COG6: variants seen among roughly 807,000 people sequenced by gnomAD.
COG6 encodes the protein component of oligomeric golgi complex 6, also known as conserved oligomeric Golgi complex subunit 6.
COG6 carries 74 observed loss-of-function variants against 88.8 expected under a neutral mutation model. The ratio of observed to expected loss-of-function variants is 0.83; its 90% CI spans 0.69 to 1.01. The LOEUF (loss-of-function observed/expected upper bound fraction) is 1.01, where lower values mean the gene tolerates loss of function less well. COG6 is among the 50% of genes least tolerant of loss of function. The probability of loss-of-function intolerance (pLI) is 0.00; values close to 1 mark genes in which losing one functional copy is unlikely to be tolerated. For synonymous variants in COG6, 286 were observed against 278.7 expected, an observed-to-expected ratio of 1.03 and a Z score of -0.26; for missense variants, 800 against 797.9, an observed-to-expected ratio of 1.00 and a Z score of -0.03.
intron 13 of COG6, among the ~76,000 whole-genome samples, chr13:39,701,782 A>G (rs1338586311): frequency 6.6e-6 from 1 of 152,002 alleles, no homozygotes; most frequent in Non-Finnish European, 1.5e-5. Context: ...ATATTACCCA[A>G]AGCTTTACCA....
chr13:39,679,056 G>A (rs1876146936), intron 5 of COG6, among the ~76,000 whole-genome samples: 1 of 152,006 alleles, frequency 6.6e-6, no homozygotes, highest in South Asian at 2.1e-4. Context: ...TCAACAGTTT[G>A]GCATCTGTCA....
chr13:39,655,828 G>A lies in COG6; in HGVS notation c.102G>A (p.Pro34=), dbSNP rs753580781. Residue 34 remains proline (P), a synonymous_variant, in exon 1 of 19, where the codon CCG becomes CCA. Transcript: ENST00000455146. ...GGACCTCGGCGACGACCTGCAACCC[G>A]CTGTCGCGCAAGCTGCATAAGATCC... is the stretch of plus-strand genomic sequence containing the variant. ...AGGTSATTCN[P]LSRKLHKILE... is the part of the protein sequence containing the mutation. 1.2e-6 allele frequency: 2 copies of A among 1,603,908 alleles called. No individual in the cohort carries two copies.
chr13:39,755,274 G>A (rs529063639), downstream of COG6, among the ~76,000 whole-genome samples: 64 of 152,250 alleles, frequency 4.2e-4, 1 homozygote, highest in South Asian at 0.013. Flanking sequence ...CCCTAGTTCA[G>A]CAGTAGTGTT....
intron 18 of COG6, among the ~76,000 whole-genome samples, chr13:39,787,795 G>T (rs1447309356): frequency 6.6e-6 from 1 of 152,116 alleles, no homozygotes; most frequent in East Asian, 1.9e-4. Context: ...ATTGTATTAG[G>T]TATTGTAAGT....
chr13:39,758,429 C>T (rs1191333162), intron 18 of COG6, among the ~76,000 whole-genome samples: 3 of 151,920 alleles, frequency 2.0e-5, no homozygotes, highest in African/African-American at 7.3e-5. Flanking sequence ...TAAAGTGTGC[C>T]AAGTATTTGA....
chr13:39,772,226 A>G (rs1385584716), intron 18 of COG6, among the ~76,000 whole-genome samples: 1 of 152,164 alleles, frequency 6.6e-6, no homozygotes, highest in East Asian at 1.9e-4. Context: ...AACCTCTTAC[A>G]GTAGTTGTCA....
intron 4 of COG6, among the ~76,000 whole-genome samples, chr13:39,673,494 T>C (rs1875773735): frequency 6.6e-6 from 1 of 152,000 alleles, no homozygotes; most frequent in South Asian, 2.1e-4. Context: ...ATGAAAAGTT[T>C]CTTCTTTTTT....
intron 18 of COG6, among the ~76,000 whole-genome samples, chr13:39,768,795 C>G (rs1881238694): frequency 6.6e-6 from 1 of 152,022 alleles, no homozygotes; most frequent in African/African-American, 2.4e-5. Context: ...CTACTCAACT[C>G]AATAACTGGA....
At position 39,680,050 on chromosome 13, in the gene COG6, G is replaced by A; in HGVS notation, c.694+5G>A. On this transcript the variant is annotated splice_donor_5th_base_variant and intron_variant, in intron 7 of 18. Transcript: ENST00000455146. ...GACTTTACCGATGGGCTCAAAGTAA[G>A]TGATTTCTTTTATGTTGTCTAGATT... is the stretch of plus-strand genomic sequence containing the variant. The A allele has an allele frequency of 6.5e-7, 1 of 1,544,188 alleles. No individual in the cohort carries two copies. The highest frequency in any genetic ancestry group is 8.9e-7 in the Non-Finnish European group (1 of 1,118,506).
chr13:39,723,317 T>C lies in COG6; in HGVS notation c.1585-16T>C. 4.0e-6 allele frequency: 6 copies of C among 1,497,938 alleles called. No homozygotes were observed. The highest frequency in any genetic ancestry group is 5.6e-6 in the Non-Finnish European group (6 of 1,074,790). The allele number at this position is 1,497,938 out of a possible 1,614,324, so 92.8% of individuals were successfully genotyped here. On this transcript the variant is annotated splice_polypyrimidine_tract_variant and intron_variant, in intron 15 of 18. Transcript: ENST00000455146. ...TCATTCTTCTTTTAAAATGTTTTCT[T>C]TGTGTTTTATTTTAGATCGAAGCAC...
At position 39,717,492 on chromosome 13, in the gene COG6, T is replaced by C. The variant is rs1158833784; in HGVS notation, c.1285-1744T>C. Among the ~76,000 whole-genome samples, 8 of 152,290 alleles carry C rather than the reference T, an allele frequency of 5.3e-5. No homozygotes were observed. The East Asian group carries it at 1.5e-3, about 29-fold the overall frequency. On this transcript the variant is annotated intron_variant, in intron 13 of 18. Transcript: ENST00000455146. Reference sequence around the variant, plus strand: ...CTGATGTTCTGTTCATTTTTTCAATTCTTTTTCTTTCTATTTCTCAGACTC... The same window carrying C: ...CTGATGTTCTGTTCATTTTTTCAATCCTTTTTCTTTCTATTTCTCAGACTC...
chr13:39,683,059 C>T (rs1383891192), intron 8 of COG6, among the ~76,000 whole-genome samples: 2 of 152,116 alleles, frequency 1.3e-5, no homozygotes, highest in East Asian at 3.9e-4. Flanking sequence ...CTTATCCTAT[C>T]ATCAGGTCAC....
chr13:39,670,339 C>G (rs1875550689), intron 4 of COG6, among the ~76,000 whole-genome samples: 1 of 151,920 alleles, frequency 6.6e-6, no homozygotes, highest in African/African-American at 2.4e-5. Context: ...GCCCACCAGC[C>G]AGAATTCTCT....
At chr13:39,779,809 C>T (rs1881574637) in intron 18 of COG6, among the ~76,000 whole-genome samples, 1 of 152,190 alleles carries the variant, frequency 6.6e-6, no homozygotes, top group Non-Finnish European at 1.5e-5. Context: ...CATCATTCAC[C>T]TCAATTTCAC....
At chr13:39,665,555 TGTA>T (rs1198873083) in intron 4 of COG6, among the ~76,000 whole-genome samples, 2 of 152,214 alleles carry the variant, frequency 1.3e-5, no homozygotes, top group Non-Finnish European at 2.9e-5. Flanking sequence ...AAATTCTCCT[TGTA>T]GTTTATACAA....
intron 1 of COG6, among the ~76,000 whole-genome samples, chr13:39,657,986 G>C (rs1383584892): frequency 6.6e-6 from 1 of 151,688 alleles, no homozygotes; most frequent in African/African-American, 2.4e-5. Flanking sequence ...TCCCTAAACT[G>C]GTTCCGCTCT....
chr13:39,754,416 G>A (rs1880765664), downstream of COG6, among the ~76,000 whole-genome samples: 1 of 152,160 alleles, frequency 6.6e-6, no homozygotes, highest in Admixed American at 6.5e-5. Flanking sequence ...ATGTAAAGGT[G>A]TAAGGAAAAT....
Position 39,719,334 on chromosome 13 carries a change from A to G in COG6, c.1383A>G (p.Val461=). Residue 461 remains valine, a synonymous_variant, in exon 14 of 19, where the codon GTA becomes GTG. Coordinates refer to ENST00000455146, the MANE Select transcript of COG6 (RefSeq NM_020751.3). ...EVLASHDSSV[V]PLDARQADFV... is the part of the protein sequence containing the mutation. ...TAGCATCTCACGATTCTTCAGTTGT[A>G]CCATTAGATGCTCGTCAAGCTGATT... The G allele has an allele frequency of 6.2e-7, 1 of 1,612,680 alleles. No homozygotes were observed. The highest frequency in any genetic ancestry group is 1.3e-5 in the African/African-American group (1 of 74,970).
chr13:39,724,150 C>T (rs1266158914), intron 16 of COG6, among the ~76,000 whole-genome samples: 1 of 152,000 alleles, frequency 6.6e-6, no homozygotes, highest in Non-Finnish European at 1.5e-5. Context: ...CCAGTAGGAA[C>T]CAATTTTACT....
Sources: gnomAD v4.1 joint callset for allele counts (sites outside exome capture counted in the v4.1 genomes callset) on GRCh38, gnomAD v4.1.1 for gene constraint, MANE v1.5 for transcripts, NCBI Gene and HGNC (gene_info 2026-07-23, HGNC 2026-07-21) for gene names.